ANAPC10: variants seen among roughly 807,000 people sequenced by gnomAD.
The protein encoded by ANAPC10 is anaphase promoting complex subunit 10.
A neutral mutation model predicts 22.0 loss-of-function variants in ANAPC10; 12 were observed. That is an observed-to-expected ratio of 0.55 (90% CI 0.35 to 0.88). The LOEUF (loss-of-function observed/expected upper bound fraction) is 0.88. ANAPC10 is among the 40% of genes least tolerant of loss of function. The pLI, the probability that ANAPC10 is intolerant of heterozygous loss-of-function variation, is 0.01. For missense variants in ANAPC10, 188 were observed against 220.9 expected (o/e 0.85, Z 0.94); for synonymous variants, 65 against 69.5 (o/e 0.94, Z 0.32).
At chr4:145,041,716 T>C (rs1307843783) in intron 4 of ANAPC10, among the ~76,000 whole-genome samples, 1 of 152,236 alleles carries the variant, frequency 6.6e-6, no homozygotes, top group Non-Finnish European at 1.5e-5. Context: ...GAATCATTCA[T>C]TGACTATTGG....
chr4:145,065,331 T>C (rs560699084), intron 3 of ANAPC10, among the ~76,000 whole-genome samples: 30 of 151,978 alleles, frequency 2.0e-4, no homozygotes, highest in African/African-American at 7.0e-4. Context: ...TGAAAATGTG[T>C]TCAACGTCTA....
intron 3 of ANAPC10, among the ~76,000 whole-genome samples, chr4:145,066,310 A>G (rs998120646): frequency 3.9e-5 from 6 of 152,130 alleles, no homozygotes; most frequent in African/African-American, 1.2e-4. Flanking sequence ...AAAGAGGCCA[A>G]AGGTATCAAA....
intron 4 of ANAPC10, among the ~76,000 whole-genome samples, chr4:145,003,711 T>C (rs1732920919): frequency 1.3e-5 from 2 of 152,158 alleles, no homozygotes; most frequent in Admixed American, 6.6e-5. Flanking sequence ...TGTCTGTTTT[T>C]GTATCACTAT....
chr4:145,097,162 A>C (rs1423616788), intron 1 of ANAPC10: 2 of 257,228 alleles, frequency 7.8e-6, no homozygotes, highest in Non-Finnish European at 1.5e-5. Flanking sequence ...AGATCGTGCT[A>C]CTGCACTCCA....
intron 4 of ANAPC10, among the ~76,000 whole-genome samples, chr4:145,040,440 GC>G (rs1739345913): frequency 6.6e-6 from 1 of 152,208 alleles, no homozygotes; most frequent in African/African-American, 2.4e-5. Flanking sequence ...GGGCCACCAT[GC>G]CCAGCCTATT....
At chr4:145,080,066 A>G (rs1745749061) in intron 3 of ANAPC10, among the ~76,000 whole-genome samples, 2 of 144,788 alleles carry the variant, frequency 1.4e-5, no homozygotes, top group African/African-American at 5.1e-5. Context: ...GTGAACAGAG[A>G]TCACGCCACT....
chr4:145,006,137 G>C (rs551619333), intron 4 of ANAPC10, among the ~76,000 whole-genome samples: 1 of 152,272 alleles, frequency 6.6e-6, no homozygotes, highest in South Asian at 2.1e-4. Flanking sequence ...GGGTGCTTCT[G>C]TGTTGACTGC....
intron 4 of ANAPC10, among the ~76,000 whole-genome samples, chr4:145,042,312 T>C (rs1429843042): frequency 3.9e-5 from 6 of 152,154 alleles, no homozygotes; most frequent in South Asian, 2.1e-4. Flanking sequence ...GTTGAAAAAT[T>C]TGACTAACTC....
intron 4 of ANAPC10, among the ~76,000 whole-genome samples, chr4:145,052,715 C>A (rs1741303583): frequency 1.3e-5 from 2 of 151,944 alleles, no homozygotes; most frequent in African/African-American, 2.4e-5. Flanking sequence ...TCCTGGGTAA[C>A]ACAGTGAAAA....
At chr4:145,064,022 T>C (rs1743301232) in intron 4 of ANAPC10, 1 of 152,082 alleles carries the variant, frequency 6.6e-6, no homozygotes, top group Non-Finnish European at 1.5e-5. Context: ...TGGAATTCTC[T>C]GGAGTGGTGG....
In ANAPC10 at chr4:145,033,003, T is replaced by C. The variant is rs556321337; in HGVS notation, c.327+31569A>G. On this transcript the variant is annotated intron_variant, in intron 4 of 4. Transcript: ENST00000507656. The stretch of plus-strand genomic sequence containing the variant: ...CTCTGACTTTACAGCTAAAGAAGTA[T>C]GGCAGTGGGCACATGCTCATGGAAT... 2.6e-5 allele frequency: 4 copies of C among 152,380 alleles called. No individual in the cohort carries two copies. In the South Asian group the frequency reaches 6.2e-4, roughly 24 times the overall value. 9.4% of individuals were successfully genotyped at this position (152,380 alleles called of 1,614,324 possible).
At chr4:145,025,945 T>C (rs915057745) in intron 4 of ANAPC10, among the ~76,000 whole-genome samples, 2 of 152,268 alleles carry the variant, frequency 1.3e-5, no homozygotes, top group African/African-American at 4.8e-5. Flanking sequence ...ACTAAGGTCT[T>C]ACCAGTTAGA....
intron 4 of ANAPC10, among the ~76,000 whole-genome samples, chr4:145,033,877 T>C (rs1436712944): frequency 6.6e-6 from 1 of 152,254 alleles, no homozygotes; most frequent in African/African-American, 2.4e-5. Flanking sequence ...TATGCATGTA[T>C]AGACTTGTAC....
chr4:145,044,527 T>C (rs143735611), intron 4 of ANAPC10, among the ~76,000 whole-genome samples: 149 of 152,164 alleles, frequency 9.8e-4, no homozygotes, highest in African/African-American at 3.3e-3. Flanking sequence ...AACTGAATCA[T>C]AGCATTCCAG....
At chr4:145,080,699 G>A (rs1745867826) in intron 3 of ANAPC10, among the ~76,000 whole-genome samples, 1 of 151,968 alleles carries the variant, frequency 6.6e-6, no homozygotes, top group Non-Finnish European at 1.5e-5. Context: ...CACAAGGTCA[G>A]GAGTTCCAGA....
chr4:145,081,402 T>C (rs914275134), intron 3 of ANAPC10: 7 of 259,220 alleles, frequency 2.7e-5, no homozygotes, highest in Non-Finnish European at 1.4e-5. Flanking sequence ...AAATAAATTA[T>C]ATTGAAAAGT....
At chr4:145,095,841 A>T in intron 2 of ANAPC10, 144 bp downstream of exon 2, 1 of 973,274 alleles carries the variant, frequency 1.0e-6, no homozygotes, top group Non-Finnish European at 1.6e-6. Context: ...ACATAGTATT[A>T]ATATAGAAAG....
At chr4:145,012,106 C>A (rs1734407863) in intron 4 of ANAPC10, among the ~76,000 whole-genome samples, 1 of 151,420 alleles carries the variant, frequency 6.6e-6, no homozygotes, top group Admixed American at 6.6e-5. Context: ...AAGAAAACAT[C>A]ACCTAGAGCA....
chr4:145,067,507 G>A (rs1161099404), intron 3 of ANAPC10, among the ~76,000 whole-genome samples: 1 of 152,132 alleles, frequency 6.6e-6, no homozygotes, highest in Non-Finnish European at 1.5e-5. Flanking sequence ...GTTCCTTCAG[G>A]CCACTAATTT....
Sources: gnomAD v4.1 joint callset for allele counts (sites outside exome capture counted in the v4.1 genomes callset) on GRCh38, gnomAD v4.1.1 for gene constraint, MANE v1.5 for transcripts, NCBI Gene and HGNC (gene_info 2026-07-23, HGNC 2026-07-21) for gene names.